ROBO2: variants seen among roughly 807,000 people sequenced by gnomAD.
ROBO2 encodes roundabout homolog 2.
Under a neutral mutation model 160.8 loss-of-function variants are expected in ROBO2, and 53 were observed. The observed-to-expected ratio is 0.33, with a 90% CI of 0.26 to 0.41. The LOEUF is 0.41. Among genes scored for constraint, ROBO2 ranks in the 10% least tolerant of loss-of-function variants. The probability of loss-of-function intolerance (pLI) is 1.00; values close to 1 mark genes in which losing one functional copy is unlikely to be tolerated. For synonymous variants in ROBO2, 664 were observed against 611.7 expected (o/e 1.09, Z -1.26); for missense variants, 1,577 against 1,722.4 (o/e 0.92, Z 1.49).
At chr3:77,408,417 A>G (rs1471666602) in intron 2 of ROBO2, among the ~76,000 whole-genome samples, 2 of 152,212 alleles carry the variant, frequency 1.3e-5, no homozygotes, top group East Asian at 1.9e-4. Flanking sequence ...TTTACCAATC[A>G]TAATAGAATC....
intron 2 of ROBO2, among the ~76,000 whole-genome samples, chr3:77,161,840 G>GA (rs1025528685): frequency 1.3e-5 from 2 of 151,282 alleles, no homozygotes; most frequent in Non-Finnish European, 2.9e-5. Flanking sequence ...TGTTGTCATG[G>GA]TTTTTTACTA....
intron 2 of ROBO2, among the ~76,000 whole-genome samples, chr3:76,211,418 A>G (rs1297115055): frequency 1.3e-5 from 2 of 152,100 alleles, no homozygotes; most frequent in South Asian, 2.1e-4. Context: ...ATAGTATTTT[A>G]TGACATCCTT....
intron 2 of ROBO2, among the ~76,000 whole-genome samples, chr3:76,379,325 A>G (rs1248704797): frequency 6.6e-6 from 1 of 152,198 alleles, no homozygotes; most frequent in African/African-American, 2.4e-5. Context: ...AATACTTGAA[A>G]TCTACACTTT....
At chr3:76,089,188 A>T (rs2069131165) in intron 2 of ROBO2, among the ~76,000 whole-genome samples, 2 of 152,120 alleles carry the variant, frequency 1.3e-5, no homozygotes, top group South Asian at 4.1e-4. Flanking sequence ...TTGACTTAAT[A>T]GTTAATCAGT....
exon 26 of ROBO2, chr3:77,647,318 G>A (rs888224522): frequency 4.6e-5 from 7 of 152,046 alleles, no homozygotes; most frequent in African/African-American, 7.2e-5. Context: ...AAACAGTGCC[G>A]AGAGTATGTT....
At chr3:76,581,317 G>A (rs1406601686) in intron 2 of ROBO2, among the ~76,000 whole-genome samples, 2 of 151,976 alleles carry the variant, frequency 1.3e-5, no homozygotes, top group East Asian at 3.9e-4. Flanking sequence ...GAAATGGTTT[G>A]GTGGAAAGTA....
At chr3:76,783,866 T>C (rs558037829) in intron 2 of ROBO2, among the ~76,000 whole-genome samples, 1 of 151,246 alleles carries the variant, frequency 6.6e-6, no homozygotes. Context: ...ATTAGTTCAC[T>C]TGATGGTGTT....
At chr3:77,363,338 G>A (rs2070333217) in intron 2 of ROBO2, among the ~76,000 whole-genome samples, 1 of 152,134 alleles carries the variant, frequency 6.6e-6, no homozygotes, top group South Asian at 2.1e-4. Flanking sequence ...TTTCCTGGTG[G>A]CCTGTATATT....
intron 2 of ROBO2, among the ~76,000 whole-genome samples, chr3:75,980,084 A>G (rs901381206): frequency 6.6e-6 from 1 of 151,638 alleles, no homozygotes; most frequent in Admixed American, 6.6e-5. Context: ...TAGCTGGATG[A>G]GTAGCAATAC....
intron 2 of ROBO2, among the ~76,000 whole-genome samples, chr3:76,391,422 T>A (rs6785173): frequency 0.28 from 41,861 of 152,102 alleles, 8,026 homozygotes; most frequent in African/African-American, 0.55. Context: ...TTTAAAATAG[T>A]AATAAAGCTC....
At chr3:76,416,444 A>G (rs2075761990) in intron 2 of ROBO2, among the ~76,000 whole-genome samples, 1 of 152,112 alleles carries the variant, frequency 6.6e-6, no homozygotes, top group South Asian at 2.1e-4. Flanking sequence ...AATAATTTAC[A>G]TCAGAAGACA....
At chr3:76,562,628 T>C (rs1020874546) in intron 2 of ROBO2, among the ~76,000 whole-genome samples, 1 of 152,308 alleles carries the variant, frequency 6.6e-6, no homozygotes, top group Admixed American at 6.5e-5. Flanking sequence ...CATCCTCCAA[T>C]GATTCTAATT....
intron 2 of ROBO2, among the ~76,000 whole-genome samples, chr3:77,303,841 A>T (rs1560489830): frequency 6.6e-6 from 1 of 152,124 alleles, no homozygotes; most frequent in Non-Finnish European, 1.5e-5. Context: ...GATAAGCAGA[A>T]ATGTATCTGG....
At chr3:77,413,530 G>A (rs1173360210) in intron 2 of ROBO2, among the ~76,000 whole-genome samples, 1 of 152,158 alleles carries the variant, frequency 6.6e-6, no homozygotes, top group Non-Finnish European at 1.5e-5. Flanking sequence ...AACATGATCT[G>A]ACTTACTGAA....
chr3:76,004,712 T>C (rs1410436714), intron 2 of ROBO2, among the ~76,000 whole-genome samples: 1 of 152,158 alleles, frequency 6.6e-6, no homozygotes, highest in African/African-American at 2.4e-5. Flanking sequence ...AATACCGTTA[T>C]ATTGGGTATT....
chr3:77,103,536 C>T (rs989068032), intron 2 of ROBO2, among the ~76,000 whole-genome samples: 2 of 151,818 alleles, frequency 1.3e-5, no homozygotes, highest in Non-Finnish European at 2.9e-5. Context: ...GATGCAGTTA[C>T]AAGAGAGAAC....
intron 2 of ROBO2, among the ~76,000 whole-genome samples, chr3:76,535,697 A>T (rs779870107): frequency 2.0e-5 from 3 of 152,122 alleles, no homozygotes; most frequent in Non-Finnish European, 2.9e-5. Context: ...TTGACACCAG[A>T]GTGGGGGAGT....
intron 2 of ROBO2, among the ~76,000 whole-genome samples, chr3:77,131,758 A>T (rs2075873881): frequency 6.6e-6 from 1 of 152,192 alleles, no homozygotes; most frequent in South Asian, 2.1e-4. Context: ...GAATGAGTAC[A>T]GCATAGTCTC....
At chr3:77,400,184 G>C (rs2075663183) in intron 2 of ROBO2, among the ~76,000 whole-genome samples, 1 of 152,146 alleles carries the variant, frequency 6.6e-6, no homozygotes. Flanking sequence ...TTCTGGCCCA[G>C]GATGCCATGA....
Sources: gnomAD v4.1 joint callset for allele counts (sites outside exome capture counted in the v4.1 genomes callset) on GRCh38, gnomAD v4.1.1 for gene constraint, MANE v1.5 for transcripts, NCBI Gene and HGNC (gene_info 2026-07-23, HGNC 2026-07-21) for gene names.